ZFPM2: variants seen among roughly 807,000 people sequenced by gnomAD.
The protein encoded by ZFPM2 is zinc finger protein ZFPM2.
In ZFPM2, 20 loss-of-function variants were observed where a neutral mutation model predicts 98.6. That is an observed-to-expected ratio of 0.20 (90% CI 0.14 to 0.29). ZFPM2 has a LOEUF of 0.29. Among genes scored for constraint, ZFPM2 ranks in the 10% least tolerant of loss-of-function variants. The probability of loss-of-function intolerance (pLI) is 1.00; values close to 1 mark genes in which losing one functional copy is unlikely to be tolerated. For synonymous variants in ZFPM2, 518 were observed against 502.7 expected (o/e 1.03, Z -0.41); for missense variants, 1,310 against 1,388.6 (o/e 0.94, Z 0.90).
intron 2 of ZFPM2, among the ~76,000 whole-genome samples, chr8:105,435,831 A>G (rs1054198216): frequency 1.3e-5 from 2 of 152,340 alleles, no homozygotes; most frequent in African/African-American, 4.8e-5. Flanking sequence ...AAGTAATTCG[A>G]AGATTTCATA....
In ZFPM2 at chr8:105,422,047, CAAAAA is replaced by C. The variant is rs747630701; in HGVS notation, c.199+2763_199+2767del. On this transcript the variant is annotated intron_variant, in intron 2 of 7. Coordinates refer to ENST00000407775, the MANE Select transcript of ZFPM2 (RefSeq NM_012082.4). ...GTGCGACGGGAGCGAGACTCCATCT[CAAAAA>C]AAAAAAAAAAAAAAAAAGGTAGAAG... Among the ~76,000 whole-genome samples, 154 of 51,564 alleles carry C rather than the reference CAAAAA, an allele frequency of 3.0e-3. 1 individual carries two copies. Among genetic ancestry groups the C allele is most frequent in the African/African-American group, 9.0e-3 (146 of 16,212 alleles). The allele number at this position is 51,564 out of a possible 152,430, so 33.8% of individuals were successfully genotyped here.
intron 3 of ZFPM2, among the ~76,000 whole-genome samples, chr8:105,452,526 T>A (rs552029380): frequency 5.3e-5 from 8 of 151,856 alleles, no homozygotes; most frequent in African/African-American, 1.9e-4. Context: ...GGTGGGAGGA[T>A]CTCTTGAGCC....
At chr8:105,605,628 C>T (rs1287694707) in intron 4 of ZFPM2, among the ~76,000 whole-genome samples, 2 of 152,034 alleles carry the variant, frequency 1.3e-5, no homozygotes, top group East Asian at 3.9e-4. Flanking sequence ...TATTTTAAGG[C>T]TTCCTGAGTA....
At chr8:105,718,622 G>A (rs917021065) in intron 5 of ZFPM2, among the ~76,000 whole-genome samples, 24 of 151,846 alleles carry the variant, frequency 1.6e-4, no homozygotes, top group African/African-American at 4.8e-4. Flanking sequence ...AAAATTATCC[G>A]GTGTTAATAA....
At chr8:105,323,898 TG>T (rs929612027) in intron 1 of ZFPM2, among the ~76,000 whole-genome samples, 2 of 151,894 alleles carry the variant, frequency 1.3e-5, no homozygotes, top group Non-Finnish European at 3.0e-5. Flanking sequence ...TTTCCACTTC[TG>T]GTAACTTTCA....
At chr8:105,324,225 G>T (rs1172064601) in intron 1 of ZFPM2, among the ~76,000 whole-genome samples, 2 of 151,714 alleles carry the variant, frequency 1.3e-5, no homozygotes, top group African/African-American at 4.8e-5. Context: ...GGGGTAATCT[G>T]GGGATAAATT....
chr8:105,768,488 A>G (rs1586249705), intron 5 of ZFPM2, among the ~76,000 whole-genome samples: 1 of 151,930 alleles, frequency 6.6e-6, no homozygotes, highest in African/African-American at 2.4e-5. Flanking sequence ...ACACTCCATC[A>G]TCAAAGCTCT....
intron 4 of ZFPM2, among the ~76,000 whole-genome samples, chr8:105,605,080 C>G (rs1188989742): frequency 6.6e-6 from 1 of 152,028 alleles, no homozygotes; most frequent in Non-Finnish European, 1.5e-5. Flanking sequence ...TTTGAAATAA[C>G]TCCTCTGTAA....
intron 1 of ZFPM2, among the ~76,000 whole-genome samples, chr8:105,409,355 T>C (rs188094583): frequency 4.6e-4 from 70 of 152,064 alleles, no homozygotes; most frequent in African/African-American, 1.6e-3. Context: ...TTGGCAGATA[T>C]GTATAAGTAA....
chr8:105,603,938 T>C (rs1252199712), intron 4 of ZFPM2, among the ~76,000 whole-genome samples: 2 of 152,016 alleles, frequency 1.3e-5, no homozygotes, highest in Non-Finnish European at 1.5e-5. Flanking sequence ...CTGCTAAATA[T>C]TGAGTCCAGG....
At chr8:105,563,360 A>C (rs946095508) in intron 4 of ZFPM2, among the ~76,000 whole-genome samples, 7 of 152,214 alleles carry the variant, frequency 4.6e-5, no homozygotes, top group Non-Finnish European at 8.8e-5. Context: ...TAAAGAGTGC[A>C]TGAGATCCCA....
At chr8:105,775,259 G>T (rs1348944632) in intron 5 of ZFPM2, among the ~76,000 whole-genome samples, 1 of 151,970 alleles carries the variant, frequency 6.6e-6, no homozygotes. Flanking sequence ...TGATGAACTT[G>T]TATAATTTAT....
In ZFPM2 at chr8:105,600,039, T is replaced by C. The variant is rs1816059409; in HGVS notation, c.421-34207T>C. 2.6e-5 allele frequency among the ~76,000 whole-genome samples: 4 copies of C among 152,244 alleles called. 1 individual carries two copies. In the Middle Eastern group the frequency reaches 0.01, roughly 388 times the overall value. ...TATGTTGCAGGAACTTGTGGAAATA[T>C]TGATTTTCATTTTATAGTGAATTTG... On this transcript the variant is annotated intron_variant, in intron 4 of 7. Coordinates refer to ENST00000407775, the MANE Select transcript of ZFPM2 (RefSeq NM_012082.4).
At chr8:105,571,291 G>T (rs1815349649) in intron 4 of ZFPM2, among the ~76,000 whole-genome samples, 1 of 152,178 alleles carries the variant, frequency 6.6e-6, no homozygotes, top group African/African-American at 2.4e-5. Context: ...AAGGCCTAAG[G>T]TGGAAGTGGG....
intron 5 of ZFPM2, among the ~76,000 whole-genome samples, chr8:105,698,833 CATACTGATATTTTGACTTATA>C (rs1443038190): frequency 6.6e-6 from 1 of 152,146 alleles, no homozygotes; most frequent in African/African-American, 2.4e-5. Context: ...AGATTACCTG[CATACTGATATTTTGACTTATA>C]ATATCTTTTC....
chr8:105,783,889 T>A (rs775910226), intron 5 of ZFPM2, among the ~76,000 whole-genome samples: 1 of 152,164 alleles, frequency 6.6e-6, no homozygotes, highest in Non-Finnish European at 1.5e-5. Context: ...TTTCCTTTCT[T>A]TTGAATATAT....
chr8:105,380,785 GTA>G (rs1274930537), intron 1 of ZFPM2, among the ~76,000 whole-genome samples: 576 of 14,964 alleles, frequency 0.038, 169 homozygotes, highest in African/African-American at 0.17. Flanking sequence ...ACATATATGT[GTA>G]TATATATTAT....
At chr8:105,442,529 G>A (rs2130202838) in intron 2 of ZFPM2, among the ~76,000 whole-genome samples, 1 of 152,242 alleles carries the variant, frequency 6.6e-6, no homozygotes, top group Middle Eastern at 3.4e-3. Flanking sequence ...TTTATGGAGG[G>A]AATTTCATTG....
chr8:105,418,221 A>G lies in ZFPM2; in HGVS notation c.41-923A>G, dbSNP rs189423401. On this transcript the variant is annotated intron_variant, in intron 1 of 7. Transcript: ENST00000407775. ...GATGGGACTGCTGCCATGAGTGACA[A>G]TTAGTACAAATTACCATAATTGTGT... is the stretch of plus-strand genomic sequence containing the variant. Among the ~76,000 whole-genome samples the G allele has an allele frequency of 4.5e-4, 68 of 152,264 alleles. 1 individual carries two copies. Among genetic ancestry groups the G allele is most frequent in the Admixed American group, 3.9e-3 (60 of 15,264 alleles).
Sources: gnomAD v4.1 joint callset for allele counts (sites outside exome capture counted in the v4.1 genomes callset) on GRCh38, gnomAD v4.1.1 for gene constraint, MANE v1.5 for transcripts, NCBI Gene and HGNC (gene_info 2026-07-23, HGNC 2026-07-21) for gene names.